The following UBTD2 variants were observed in gnomAD, a reference collection of about 807,000 sequenced individuals.
The protein encoded by UBTD2 is ubiquitin domain-containing protein 2.
Under a neutral mutation model 19.8 loss-of-function variants are expected in UBTD2, and 9 were observed. That is an observed-to-expected ratio of 0.46 (90% CI 0.27 to 0.79). UBTD2 has a LOEUF of 0.79. Among genes scored for constraint, UBTD2 ranks in the 30% least tolerant of loss-of-function variants. The pLI is 0.14. For synonymous variants in UBTD2, 98 were observed against 103.9 expected, an observed-to-expected ratio of 0.94 and a Z score of 0.35; for missense variants, 250 against 300.4, an observed-to-expected ratio of 0.83 and a Z score of 1.24.
At chr5:172,281,226 G>C (rs2062282978) in intron 1 of UBTD2, among the ~76,000 whole-genome samples, 1 of 152,160 alleles carries the variant, frequency 6.6e-6, no homozygotes, top group African/African-American at 2.4e-5. Context: ...ATCTGTCATG[G>C]AAAGTTTAAA....
At chr5:172,226,001 A>T (rs1322188793) in intron 2 of UBTD2, among the ~76,000 whole-genome samples, 1 of 144,388 alleles carries the variant, frequency 6.9e-6, no homozygotes, top group Non-Finnish European at 1.5e-5. Context: ...AGAGTGGCAC[A>T]ATCTCAGCTC....
chr5:172,223,099 A>G (rs1462439624), intron 2 of UBTD2, among the ~76,000 whole-genome samples: 2 of 152,252 alleles, frequency 1.3e-5, no homozygotes, highest in African/African-American at 4.8e-5. Flanking sequence ...ATGGAAAACC[A>G]AAAGGAAAGA....
intron 1 of UBTD2, among the ~76,000 whole-genome samples, chr5:172,257,585 A>G (rs1268659648): frequency 6.6e-6 from 1 of 152,220 alleles, no homozygotes; most frequent in Non-Finnish European, 1.5e-5. Flanking sequence ...AGGCTGAACT[A>G]ATATACCATT....
Position 172,275,172 on chromosome 5 carries a change from A to G in UBTD2, c.70+8424T>C, listed in dbSNP as rs1360284255. Among the ~76,000 whole-genome samples the G allele has an allele frequency of 5.3e-5, 8 of 152,212 alleles. 1 individual carries two copies. Among genetic ancestry groups the G allele is most frequent in the African/African-American group, 1.2e-4 (5 of 41,466 alleles). On this transcript the variant is annotated intron_variant, in intron 1 of 2. Transcript: ENST00000393792. ...GGGCAACAAACACGTCCTTGTTCAC[A>G]TGGCAGGAGGAAGAAGTGCCGAGCA...
At chr5:172,282,541 G>GA (rs1262996357) in intron 1 of UBTD2, among the ~76,000 whole-genome samples, 1 of 152,124 alleles carries the variant, frequency 6.6e-6, no homozygotes, top group Non-Finnish European at 1.5e-5. Context: ...AGTATGCTAC[G>GA]AAAAAGTTGT....
intron 1 of UBTD2, among the ~76,000 whole-genome samples, chr5:172,253,457 A>AT (rs11292185): frequency 0.3 from 44,240 of 145,748 alleles, 6,600 homozygotes; most frequent in South Asian, 0.43. Context: ...AACCCTATCA[A>AT]TTTTTTTTTT....
At chr5:172,279,939 T>C (rs1342014994) in intron 1 of UBTD2, among the ~76,000 whole-genome samples, 1 of 151,822 alleles carries the variant, frequency 6.6e-6, no homozygotes, top group Admixed American at 6.6e-5. Context: ...CCATCTCCAC[T>C]AAAAATATGA....
chr5:172,283,568 C>T lies in UBTD2; in HGVS notation c.70+28G>A. The T allele has an allele frequency of 7.8e-7, 1 of 1,288,070 alleles. No individual in the cohort carries two copies. The highest frequency in any genetic ancestry group is 1.5e-5 in the African/African-American group (1 of 64,848). 79.8% of individuals were successfully genotyped at this position (1,288,070 alleles called of 1,614,324 possible). ...GGGCCTGGCCGGGAACAATGGGGGG[C>T]CGAGGCTGCCCCCTGGCGCTCACCT... On this transcript the variant is annotated intron_variant, in intron 1 of 2. Transcript: ENST00000393792. This position sits in a 1 kb window ranked among gnomAD's most constrained non-coding sequence, Gnocchi z 4.3.
chr5:172,211,018 A>G lies in UBTD2; in HGVS notation c.*812T>C, dbSNP rs1284368116. On this transcript the variant is annotated 3_prime_UTR_variant, in exon 3 of 3. Coordinates refer to ENST00000393792, the MANE Select transcript of UBTD2 (RefSeq NM_152277.3). ...TGACCTTCTAAGCCTGGATATAAAA[A>G]TGGCTTCGTTATACAGACCTTTCAA... 1.3e-5 allele frequency: 2 copies of G among 152,226 alleles called. No individual in the cohort carries two copies. The highest frequency in any genetic ancestry group is 1.5e-5 in the Non-Finnish European group (1 of 68,042). 9.4% of individuals were successfully genotyped at this position (152,226 alleles called of 1,614,324 possible).
intron 2 of UBTD2, among the ~76,000 whole-genome samples, chr5:172,218,853 T>C (rs1581208984): frequency 6.8e-6 from 1 of 146,844 alleles, no homozygotes; most frequent in Non-Finnish European, 1.5e-5. Context: ...CAAAAGCTGA[T>C]TACAAGGTTT....
chr5:172,279,944 A>G (rs982731692), intron 1 of UBTD2, among the ~76,000 whole-genome samples: 25 of 152,132 alleles, frequency 1.6e-4, no homozygotes, highest in African/African-American at 6.0e-4. Flanking sequence ...TCCACTAAAA[A>G]TATGAAATTA....
rs1755751450 is a variant in UBTD2 at position 172,283,059 on chromosome 5, C to T, written c.70+537G>A. ...ATGCCTGCGGCCACTGGAGACTCCTCCAGCCGAGCTCCAGAAACTCGCAGG... is the reference window on the plus strand; with the variant it reads ...ATGCCTGCGGCCACTGGAGACTCCTTCAGCCGAGCTCCAGAAACTCGCAGG... On this transcript the variant is annotated intron_variant, in intron 1 of 2. Transcript: ENST00000393792. The surrounding 1 kb of genome is among the most constrained non-coding windows in gnomAD (Gnocchi z 4.3). 6.6e-6 allele frequency among the ~76,000 whole-genome samples: 1 copy of T among 152,162 alleles called. No individual in the cohort carries two copies. Among genetic ancestry groups the T allele is most frequent in the Non-Finnish European group, 1.5e-5 (1 of 68,034 alleles).
chr5:172,212,995 C>T (rs547846135), intron 2 of UBTD2, among the ~76,000 whole-genome samples: 120 of 140,578 alleles, frequency 8.5e-4, no homozygotes, highest in African/African-American at 3.1e-3. Context: ...ACCTGGACTT[C>T]TTTCTTTCTT....
intron 1 of UBTD2, among the ~76,000 whole-genome samples, chr5:172,265,907 A>C (rs1755369577): frequency 6.6e-6 from 1 of 150,510 alleles, no homozygotes; most frequent in South Asian, 2.1e-4. Flanking sequence ...TAAGAACTGT[A>C]ATAAAAAACA....
intron 1 of UBTD2, among the ~76,000 whole-genome samples, chr5:172,240,924 A>C (rs1016994949): frequency 6.6e-6 from 1 of 152,184 alleles, no homozygotes; most frequent in East Asian, 1.9e-4. Context: ...TGTCTCTATC[A>C]TAAATACATA....
rs191533023 is a variant in UBTD2 at position 172,232,480 on chromosome 5, C to A, written c.307+1642G>T. On this transcript the variant is annotated intron_variant, in intron 2 of 2. Transcript: ENST00000393792. ...ATAAACTTTCATAATAAAGAACAGG[C>A]AGCTATAAAAAAAAGGAATGTTTCT... Among the ~76,000 whole-genome samples the A allele has an allele frequency of 3.7e-3, 556 of 152,004 alleles. 2 individuals carry two copies. Among genetic ancestry groups the A allele is most frequent in the Non-Finnish European group, 5.5e-3 (374 of 67,966 alleles).
chr5:172,216,204 A>G (rs1442636317), intron 2 of UBTD2, among the ~76,000 whole-genome samples: 1 of 151,914 alleles, frequency 6.6e-6, no homozygotes, highest in Non-Finnish European at 1.5e-5. Flanking sequence ...CTACAACAAA[A>G]AAGCCCAAAA....
At position 172,228,812 on chromosome 5, in the gene UBTD2, C is replaced by T. The variant is rs541920984; in HGVS notation, c.307+5310G>A. On this transcript the variant is annotated intron_variant, in intron 2 of 2. Transcript: ENST00000393792. ...TTCTCAGTCCAGTGTTCTTTTCATA[C>T]GTTGGTTCCTTACACATAACATGCT... Among the ~76,000 whole-genome samples the T allele has an allele frequency of 3.3e-5, 5 of 151,972 alleles. No homozygotes were observed. The East Asian group carries it at 9.6e-4, about 29-fold the overall frequency.
At chr5:172,259,871 C>G (rs1755230997) in intron 1 of UBTD2, among the ~76,000 whole-genome samples, 1 of 151,962 alleles carries the variant, frequency 6.6e-6, no homozygotes, top group Non-Finnish European at 1.5e-5. Flanking sequence ...CTGGCCAACA[C>G]AGCGAAACCA....
Sources: allele counts gnomAD v4.1 joint callset (sites outside exome capture counted in the v4.1 genomes callset), GRCh38; gene constraint gnomAD v4.1.1; non-coding constraint Gnocchi (gnomAD v3.1); transcripts MANE v1.5; gene names NCBI Gene and HGNC (gene_info 2026-07-23, HGNC 2026-07-21).